DNM3: variants seen among roughly 807,000 people sequenced by gnomAD.
DNM3 encodes dynamin-3.
In DNM3, 47 loss-of-function variants were observed where a neutral mutation model predicts 101.6. The ratio of observed to expected loss-of-function variants is 0.46; its 90% confidence interval spans 0.37 to 0.59. DNM3 has a LOEUF of 0.59. DNM3 is among the 20% of genes least tolerant of loss of function. DNM3 has a pLI of 0.00. For synonymous variants in DNM3, 385 were observed against 387.9 expected (o/e 0.99, Z 0.09); for missense variants, 849 against 1,085.7 (o/e 0.78, Z 3.06).
chr1:171,970,883 G>T (rs951647288), intron 2 of DNM3, among the ~76,000 whole-genome samples: 1 of 151,894 alleles, frequency 6.6e-6, no homozygotes, highest in African/African-American at 2.4e-5. Context: ...TTTGTTTTCT[G>T]TGGAAATCTC....
chr1:172,304,821 T>C (rs1342407626), intron 15 of DNM3, among the ~76,000 whole-genome samples: 4 of 152,194 alleles, frequency 2.6e-5, no homozygotes, highest in Non-Finnish European at 5.9e-5. Flanking sequence ...ATAAAGACGT[T>C]CTTTGAAACC....
intron 17 of DNM3, among the ~76,000 whole-genome samples, chr1:172,328,873 T>A (rs116089903): frequency 0.012 from 1,827 of 152,162 alleles, 14 homozygotes; most frequent in Middle Eastern, 0.031. Flanking sequence ...AGAGACAGGG[T>A]CTCGCTAAGT....
intron 2 of DNM3, among the ~76,000 whole-genome samples, chr1:171,939,280 A>G (rs943740382): frequency 3.3e-5 from 5 of 152,224 alleles, no homozygotes; most frequent in African/African-American, 1.2e-4. Flanking sequence ...GGAAATTACT[A>G]AATCAAAGGT....
chr1:171,906,747 C>A (rs565982622), intron 1 of DNM3, among the ~76,000 whole-genome samples: 1 of 152,248 alleles, frequency 6.6e-6, no homozygotes, highest in African/African-American at 2.4e-5. Context: ...ATATCTCTAA[C>A]AAATAATCAT....
At chr1:172,192,835 A>G (rs1295492919) in intron 14 of DNM3, among the ~76,000 whole-genome samples, 1 of 151,544 alleles carries the variant, frequency 6.6e-6, no homozygotes, top group Non-Finnish European at 1.5e-5. Flanking sequence ...CGCAATAAAC[A>G]TATGTGTGCA....
chr1:172,115,278 C>A (rs1013447272), intron 13 of DNM3, among the ~76,000 whole-genome samples: 1 of 152,082 alleles, frequency 6.6e-6, no homozygotes, highest in Non-Finnish European at 1.5e-5. Context: ...TTTCCAATAG[C>A]AAATCCTGTC....
chr1:172,218,603 A>C (rs1019428423), intron 14 of DNM3, among the ~76,000 whole-genome samples: 1 of 152,140 alleles, frequency 6.6e-6, no homozygotes, highest in Non-Finnish European at 1.5e-5. Flanking sequence ...TGATATATAC[A>C]AAATATTACC....
chr1:172,345,428 C>A (rs1347670306), intron 17 of DNM3, among the ~76,000 whole-genome samples: 1 of 152,170 alleles, frequency 6.6e-6, no homozygotes, highest in Non-Finnish European at 1.5e-5. Context: ...GTGAACTACT[C>A]CCTTCTCTCC....
intron 17 of DNM3, among the ~76,000 whole-genome samples, chr1:172,329,319 A>C (rs992062494): frequency 6.6e-6 from 1 of 152,150 alleles, no homozygotes; most frequent in Non-Finnish European, 1.5e-5. Flanking sequence ...AGAAAAATTT[A>C]AATGTAAAAA....
rs139477339 is a variant in DNM3, at chr1:172,028,483, C to A, written c.590-3919C>A. 9.2e-5 allele frequency among the ~76,000 whole-genome samples: 14 copies of A among 152,258 alleles called. No individual in the cohort carries two copies. The East Asian group carries it at 2.7e-3, about 29-fold the overall frequency. On this transcript the variant is annotated intron_variant, in intron 4 of 20. Transcript: ENST00000627582. ...GAAAGCATGAAAGATCTAAAATCGA[C>A]ACCCTAACATCACGATTAAAAGAAC...
At chr1:172,363,926 G>A (rs534529358) in intron 17 of DNM3, among the ~76,000 whole-genome samples, 30 of 152,004 alleles carry the variant, frequency 2.0e-4, no homozygotes, top group African/African-American at 7.2e-4. Context: ...ACCAGGCCAA[G>A]TCTCACTCAC....
chr1:172,319,825 G>A (rs1447369899), intron 16 of DNM3, among the ~76,000 whole-genome samples: 3 of 152,260 alleles, frequency 2.0e-5, no homozygotes, highest in Non-Finnish European at 2.9e-5. Context: ...TCAGTGTGGT[G>A]ATTCCTCAGG....
chr1:172,353,384 T>C (rs1032666972), intron 17 of DNM3, among the ~76,000 whole-genome samples: 2 of 152,174 alleles, frequency 1.3e-5, no homozygotes, highest in African/African-American at 4.8e-5. Flanking sequence ...GATTTGTAGA[T>C]ATAAAATAAT....
rs117988513 is a variant in DNM3 at position 172,148,495 on chromosome 1, C to T, written c.1659+17207C>T. Among the ~76,000 whole-genome samples, 162 of 152,142 alleles carry T rather than the reference C, an allele frequency of 1.1e-3. 2 individuals are homozygous for T. The East Asian group carries it at 0.027, about 25-fold the overall frequency. On this transcript the variant is annotated intron_variant, in intron 14 of 20. Transcript: ENST00000627582. Reference sequence around the variant, plus strand: ...ATATTTATATATGTGTCTGCAGCTACGCACCAGATTGAACTATTCTTTTTG... The same window carrying T: ...ATATTTATATATGTGTCTGCAGCTATGCACCAGATTGAACTATTCTTTTTG...
intron 14 of DNM3, among the ~76,000 whole-genome samples, chr1:172,200,909 A>C (rs1401722225): frequency 6.6e-6 from 1 of 152,108 alleles, no homozygotes; most frequent in African/African-American, 2.4e-5. Context: ...CAGCCCGTTC[A>C]GCCTGGCCAT....
chr1:172,372,643 G>C (rs1434397405), intron 17 of DNM3, among the ~76,000 whole-genome samples: 5 of 147,960 alleles, frequency 3.4e-5, no homozygotes, highest in Non-Finnish European at 7.5e-5. Context: ...GATTCATTTG[G>C]CCCCCAATGT....
At chr1:172,350,315 CT>C (rs1553241715) in intron 17 of DNM3, among the ~76,000 whole-genome samples, 1 of 67,480 alleles carries the variant, frequency 1.5e-5, no homozygotes, top group Non-Finnish European at 3.1e-5. Context: ...TCCATTTTAT[CT>C]TGTGTGTGTG....
chr1:172,410,975 T>C lies in DNM3; in HGVS notation c.*3134T>C. 1 of 985,250 alleles carries C rather than the reference T, an allele frequency of 1.0e-6. No individual in the cohort carries two copies. The highest frequency in any genetic ancestry group is 1.2e-6 in the Non-Finnish European group (1 of 829,784). The allele number at this position is 985,250 out of a possible 1,614,324, so 61.0% of individuals were successfully genotyped here. ...GTGTATATGGCATATACCTAGTAAG[T>C]ATGTTTCTGTAAGTATGTGTATTTT... On this transcript the variant is annotated 3_prime_UTR_variant, in exon 21 of 21. Transcript: ENST00000627582.
chr1:172,325,639 C>T (rs139557183), intron 17 of DNM3, among the ~76,000 whole-genome samples: 13 of 152,128 alleles, frequency 8.5e-5, no homozygotes, highest in Middle Eastern at 3.4e-3. Flanking sequence ...GTGCTGTCTC[C>T]GGAGTATAGA....
Sources: gnomAD v4.1 joint callset for allele counts (sites outside exome capture counted in the v4.1 genomes callset) on GRCh38, gnomAD v4.1.1 for gene constraint, MANE v1.5 for transcripts, NCBI Gene and HGNC (gene_info 2026-07-23, HGNC 2026-07-21) for gene names.